Variants in RBFOX1 observed in about 807,000 individuals in gnomAD.
The protein encoded by RBFOX1 is RNA binding fox-1 homolog 1.
Under a neutral mutation model 57.7 loss-of-function variants are expected in RBFOX1, and 8 were observed. The ratio of observed to expected loss-of-function variants is 0.14; its 90% CI spans 0.08 to 0.25. The LOEUF (loss-of-function observed/expected upper bound fraction) is 0.25, where lower values mean the gene tolerates loss of function less well. Among genes scored for constraint, RBFOX1 ranks in the 10% least tolerant of loss-of-function variants. The probability of loss-of-function intolerance (pLI) is 1.00; values close to 1 mark genes in which losing one functional copy is unlikely to be tolerated. For missense variants in RBFOX1, 611 were observed against 548.5 expected, an observed-to-expected ratio of 1.11 and a Z score of -1.14; for synonymous variants, 326 against 222.4, an observed-to-expected ratio of 1.47 and a Z score of -4.15.
At chr16:6,122,357 AACACACACAC>A (rs61531585) in intron 1 of RBFOX1, among the ~76,000 whole-genome samples, 71 of 145,456 alleles carry the variant, frequency 4.9e-4, no homozygotes, top group African/African-American at 1.3e-3. Context: ...CTAAAAGATA[AACACACACAC>A]ACACACACAC....
intron 14 of RBFOX1, among the ~76,000 whole-genome samples, chr16:7,682,830 TTTG>T (rs199813268): frequency 0.015 from 2,216 of 149,528 alleles, 25 homozygotes; most frequent in Non-Finnish European, 0.023. Context: ...ACAGATCCAT[TTTG>T]TTGTTGTTGT....
At chr16:6,550,347 T>C (rs2096967340) in intron 2 of RBFOX1, among the ~76,000 whole-genome samples, 1 of 152,148 alleles carries the variant, frequency 6.6e-6, no homozygotes. Context: ...CAGCTAATTT[T>C]TATATTTTCA....
At chr16:7,700,485 G>C (rs1307969498) in intron 14 of RBFOX1, among the ~76,000 whole-genome samples, 3 of 152,142 alleles carry the variant, frequency 2.0e-5, no homozygotes, top group Non-Finnish European at 2.9e-5. Context: ...TCATGGAAGG[G>C]TATTGAAAAT....
intron 4 of RBFOX1, among the ~76,000 whole-genome samples, chr16:7,334,650 A>T (rs534340969): frequency 6.6e-6 from 1 of 152,318 alleles, no homozygotes; most frequent in South Asian, 2.1e-4. Flanking sequence ...AATGGACTCC[A>T]GAGCTTGTTG....
At chr16:7,557,619 C>CAAAA (rs1170051114) in intron 5 of RBFOX1, among the ~76,000 whole-genome samples, 28 of 40,692 alleles carry the variant, frequency 6.9e-4, no homozygotes, top group African/African-American at 1.3e-3. Context: ...GACTCTGTCT[C>CAAAA]AAAAAAAAAA....
At chr16:6,849,821 TCC>T (rs2093970563) in intron 3 of RBFOX1, among the ~76,000 whole-genome samples, 1 of 152,294 alleles carries the variant, frequency 6.6e-6, no homozygotes, top group East Asian at 1.9e-4. Flanking sequence ...AAATCCTCTC[TCC>T]CTCTTTTCTT....
At chr16:5,673,098 C>A (rs1272504352) in intron 3 of RBFOX1, among the ~76,000 whole-genome samples, 2 of 152,018 alleles carry the variant, frequency 1.3e-5, no homozygotes, top group Non-Finnish European at 2.9e-5. Flanking sequence ...ATCTCTGCAT[C>A]CTTTGGAAAA....
At chr16:5,917,880 T>A (rs2152222392) in intron 4 of RBFOX1, among the ~76,000 whole-genome samples, 1 of 152,280 alleles carries the variant, frequency 6.6e-6, no homozygotes, top group East Asian at 1.9e-4. Context: ...GTCAGGTTCC[T>A]TCCTCCCCTT....
intron 1 of RBFOX1, among the ~76,000 whole-genome samples, chr16:5,316,540 C>G (rs2064243973): frequency 6.6e-6 from 1 of 152,224 alleles, no homozygotes; most frequent in Non-Finnish European, 1.5e-5. Flanking sequence ...CTGCCATGTA[C>G]CAATAACTGG....
chr16:6,509,644 C>A (rs1477448811), intron 2 of RBFOX1, among the ~76,000 whole-genome samples: 1 of 151,302 alleles, frequency 6.6e-6, no homozygotes, highest in Non-Finnish European at 1.5e-5. Context: ...TGACTGTAGT[C>A]AAAAAAAATT....
intron 3 of RBFOX1, among the ~76,000 whole-genome samples, chr16:5,638,014 A>C (rs2048740235): frequency 6.6e-6 from 1 of 152,224 alleles, no homozygotes; most frequent in Non-Finnish European, 1.5e-5. Flanking sequence ...TTTCCTTTGG[A>C]TAAAATGGGC....
At position 6,886,718 on chromosome 16, in the gene RBFOX1, G is replaced by A. The variant is rs568150594; in HGVS notation, c.-15-165339G>A. On this transcript the variant is annotated intron_variant, in intron 3 of 15. Coordinates refer to ENST00000550418, the MANE Select transcript of RBFOX1 (RefSeq NM_018723.4). ...TGCACTAAACTGAGATCGCACCACC[G>A]CACTCCAGCGTGGGCAAGCAAGTGA... 6.7e-5 allele frequency among the ~76,000 whole-genome samples: 10 copies of A among 150,264 alleles called. No individual in the cohort carries two copies. The East Asian group carries it at 1.6e-3, about 24-fold the overall frequency.
chr16:6,381,347 C>T (rs1485510075), intron 2 of RBFOX1, among the ~76,000 whole-genome samples: 7 of 152,150 alleles, frequency 4.6e-5, no homozygotes, highest in East Asian at 1.9e-4. Flanking sequence ...CCATCTTTTG[C>T]GATCTCCAGT....
At chr16:5,546,383 CA>C (rs1226657649) in intron 2 of RBFOX1, among the ~76,000 whole-genome samples, 3 of 152,102 alleles carry the variant, frequency 2.0e-5, no homozygotes, top group Admixed American at 6.6e-5. Context: ...TGAAGAAGAA[CA>C]AAGTTAGAGG....
chr16:5,950,672 C>A (rs1182991971), intron 4 of RBFOX1, among the ~76,000 whole-genome samples: 4 of 152,248 alleles, frequency 2.6e-5, no homozygotes, highest in Non-Finnish European at 5.9e-5. Flanking sequence ...TGGCCAAGCT[C>A]TTCTTCCATC....
At chr16:7,138,643 G>A (rs1159497077) in intron 4 of RBFOX1, among the ~76,000 whole-genome samples, 2 of 152,128 alleles carry the variant, frequency 1.3e-5, no homozygotes, top group Non-Finnish European at 2.9e-5. Flanking sequence ...CTCACCTGGG[G>A]CCTACAAAGG....
chr16:7,498,413 A>T (rs2069426746), intron 4 of RBFOX1, among the ~76,000 whole-genome samples: 1 of 151,738 alleles, frequency 6.6e-6, no homozygotes, highest in Admixed American at 6.6e-5. Context: ...CAGAAATATA[A>T]CCATGGTCAC....
chr16:6,656,226 T>G (rs981679034), intron 3 of RBFOX1, among the ~76,000 whole-genome samples: 2 of 152,174 alleles, frequency 1.3e-5, no homozygotes, highest in African/African-American at 4.8e-5. Context: ...AGAAAGCATG[T>G]TCCCCAACCT....
intron 4 of RBFOX1, among the ~76,000 whole-genome samples, chr16:6,009,340 T>A (rs781229049): frequency 2.0e-5 from 3 of 152,216 alleles, no homozygotes; most frequent in Non-Finnish European, 4.4e-5. Context: ...AGTAGGGCTT[T>A]GATACAAAGA....
Sources: allele counts gnomAD v4.1 joint callset (sites outside exome capture counted in the v4.1 genomes callset), GRCh38; gene constraint gnomAD v4.1.1; transcripts MANE v1.5; gene names NCBI Gene and HGNC (gene_info 2026-07-23, HGNC 2026-07-21).